The following WIPI2 variants were observed in gnomAD, a reference collection of about 807,000 sequenced individuals.
WIPI2 encodes WD repeat domain, phosphoinositide interacting 2, also known as WD repeat domain phosphoinositide-interacting protein 2.
A neutral mutation model predicts 52.3 loss-of-function variants in WIPI2; 28 were observed. That is an observed-to-expected ratio of 0.54 (90% CI 0.40 to 0.73). The LOEUF is 0.73. WIPI2 is among the 30% of genes least tolerant of loss of function. The pLI, the probability that WIPI2 is intolerant of heterozygous loss-of-function variation, is 0.00. For synonymous variants in WIPI2, 268 were observed against 245.0 expected, an observed-to-expected ratio of 1.09 and a Z score of -0.88; for missense variants, 506 against 602.9, an observed-to-expected ratio of 0.84 and a Z score of 1.68.
At chr7:5,202,194 C>G (rs1278620319) in intron 3 of WIPI2, among the ~76,000 whole-genome samples, 1 of 152,050 alleles carries the variant, frequency 6.6e-6, no homozygotes, top group Non-Finnish European at 1.5e-5. Flanking sequence ...CAGAGCTGGT[C>G]TTAGAGAAAA....
Position 5,231,471 on chromosome 7 carries a change from C to G in WIPI2, c.*524C>G, listed in dbSNP as rs373679264. The G allele has an allele frequency of 6.6e-6, 1 of 152,440 alleles. No homozygotes were observed. The allele number at this position is 152,440 out of a possible 1,614,324, so 9.4% of individuals were successfully genotyped here. A position where few individuals can be genotyped will look rare whatever the true frequency, so the allele number is the denominator to read the frequency against. On this transcript the variant is annotated 3_prime_UTR_variant, in exon 13 of 13. Transcript: ENST00000288828. ...GAAGTCCGATCTCCCTAGGGCCCCA[C>G]CTGGACCATTTTCCCTCCGTTTTAT...
At chr7:5,210,707 C>G (rs888234521) in intron 3 of WIPI2, among the ~76,000 whole-genome samples, 1 of 152,220 alleles carries the variant, frequency 6.6e-6, no homozygotes, top group Non-Finnish European at 1.5e-5. Flanking sequence ...ACAGTTGATT[C>G]TTGTTGTTCA....
chr7:5,200,699 C>T (rs1034412533), intron 3 of WIPI2, among the ~76,000 whole-genome samples: 14 of 152,120 alleles, frequency 9.2e-5, no homozygotes, highest in South Asian at 2.1e-4. Context: ...TTATGGTGTT[C>T]TCCTGGCCCG....
rs2115330096 is a variant in WIPI2, at chr7:5,230,949, C to T, written c.*2C>T. On this transcript the variant is annotated 3_prime_UTR_variant, in exon 13 of 13. Coordinates refer to ENST00000288828, the MANE Select transcript of WIPI2 (RefSeq NM_015610.4). The surrounding 1 kb of genome is among the most constrained non-coding windows in gnomAD (Gnocchi z 4.8). Reference sequence around the variant, plus strand: ...CCCATGATTCTTCGGACTGACTGAACTTGACCTGTGACCTCTGACCCGGGG... The same window carrying T: ...CCCATGATTCTTCGGACTGACTGAATTTGACCTGTGACCTCTGACCCGGGG... 9 of 1,609,184 alleles carry T rather than the reference C, an allele frequency of 5.6e-6. No homozygotes were observed. The highest frequency in any genetic ancestry group is 1.7e-4 in the Middle Eastern group (1 of 6,058).
intron 4 of WIPI2, 102 bp from the exon 5 acceptor site, chr7:5,216,461 G>T (rs1300528206): frequency 1.1e-6 from 1 of 891,938 alleles, no homozygotes; most frequent in East Asian, 2.5e-5. Flanking sequence ...AACAATAGAA[G>T]GAATGAGAGC....
intron 2 of WIPI2, among the ~76,000 whole-genome samples, chr7:5,193,689 C>T (rs1047169440): frequency 3.3e-5 from 5 of 152,224 alleles, no homozygotes; most frequent in African/African-American, 1.2e-4. Context: ...GGTCCTCCTG[C>T]CTCAGCCTCC....
chr7:5,225,193 T>C (rs1583589790), intron 8 of WIPI2, among the ~76,000 whole-genome samples: 1 of 151,464 alleles, frequency 6.6e-6, no homozygotes, highest in East Asian at 1.9e-4. Flanking sequence ...CAGGCTGGAG[T>C]GCAGTGGTGC....
At chr7:5,191,101 C>T (rs1036442815) in intron 1 of WIPI2, among the ~76,000 whole-genome samples, 10 of 152,046 alleles carry the variant, frequency 6.6e-5, no homozygotes, top group Non-Finnish European at 1.3e-4. Flanking sequence ...CTCACTGCAA[C>T]CTCCGCCTCC....
chr7:5,205,119 GCATGCACCAC>G (rs1483040313), intron 3 of WIPI2, among the ~76,000 whole-genome samples: 1 of 152,162 alleles, frequency 6.6e-6, no homozygotes, highest in African/African-American at 2.4e-5. Context: ...GGGATTAGAG[GCATGCACCAC>G]CACGCCCGGC....
At chr7:5,207,383 T>C (rs573151403) in intron 3 of WIPI2, among the ~76,000 whole-genome samples, 1 of 152,330 alleles carries the variant, frequency 6.6e-6, no homozygotes, top group South Asian at 2.1e-4. Context: ...TAGATTAGTT[T>C]TGTCTTTTCT....
At chr7:5,229,929 CTTTTT>C (rs548650698) in intron 12 of WIPI2, among the ~76,000 whole-genome samples, 191 bp downstream of exon 12, 2 of 137,900 alleles carry the variant, frequency 1.5e-5, no homozygotes, top group Admixed American at 7.2e-5. Context: ...GTTTCGTTTC[CTTTTT>C]TTTTTTTTTT....
intron 11 of WIPI2, among the ~76,000 whole-genome samples, chr7:5,228,616 A>G (rs1398255166): frequency 2.0e-5 from 3 of 152,230 alleles, no homozygotes; most frequent in Non-Finnish European, 4.4e-5. Context: ...CTCTTGTCTC[A>G]CTGTGAGGTA....
intron 7 of WIPI2, among the ~76,000 whole-genome samples, chr7:5,221,013 A>G (rs375480825): frequency 1.4e-5 from 2 of 138,580 alleles, no homozygotes; most frequent in South Asian, 2.3e-4. Flanking sequence ...ACCCAGGCTC[A>G]AGTGCAGTGG....
At chr7:5,219,911 A>T (rs909786899) in intron 7 of WIPI2, among the ~76,000 whole-genome samples, 1 of 147,486 alleles carries the variant, frequency 6.8e-6, no homozygotes, top group East Asian at 2.1e-4. Flanking sequence ...TCTCTGCTCT[A>T]TGCAACCTCC....
At chr7:5,229,147 C>T (rs1325835430) in intron 11 of WIPI2, among the ~76,000 whole-genome samples, 1 of 152,198 alleles carries the variant, frequency 6.6e-6, no homozygotes, top group Non-Finnish European at 1.5e-5. Flanking sequence ...TCCCGAGTAG[C>T]TGGGATGACA....
chr7:5,208,466 G>C (rs1468916487), intron 3 of WIPI2, among the ~76,000 whole-genome samples: 2 of 148,288 alleles, frequency 1.3e-5, no homozygotes, highest in Non-Finnish European at 3.0e-5. Flanking sequence ...TCTAGGCCCT[G>C]TCCAGGAAAC....
At chr7:5,220,458 C>G (rs377557488) in intron 7 of WIPI2, among the ~76,000 whole-genome samples, 2 of 151,942 alleles carry the variant, frequency 1.3e-5, no homozygotes, top group African/African-American at 4.8e-5. Flanking sequence ...CCAGGCTGGT[C>G]GTGAACTCCT....
chr7:5,197,592 C>T lies in WIPI2; in HGVS notation c.129-1984C>T, dbSNP rs76449853. On this transcript the variant is annotated intron_variant, in intron 2 of 12. Coordinates refer to ENST00000288828, the MANE Select transcript of WIPI2 (RefSeq NM_015610.4). ...AGAGTTTTGTTTCTGTTCTTTTTAT[C>T]CTTCTAAGATAAATCAATGTGATTT... 3.2e-3 allele frequency among the ~76,000 whole-genome samples: 492 copies of T among 152,122 alleles called. 6 individuals carry two copies. Among genetic ancestry groups the T allele is most frequent in the African/African-American group, 0.011 (456 of 41,484 alleles).
chr7:5,197,138 A>C (rs1426517996), intron 2 of WIPI2, among the ~76,000 whole-genome samples: 3 of 150,364 alleles, frequency 2.0e-5, no homozygotes, highest in African/African-American at 7.3e-5. Flanking sequence ...AAAAAAAAAA[A>C]AAAAAAAACC....
Sources: allele counts gnomAD v4.1 joint callset (sites outside exome capture counted in the v4.1 genomes callset), GRCh38; gene constraint gnomAD v4.1.1; non-coding constraint Gnocchi (gnomAD v3.1); transcripts MANE v1.5; gene names NCBI Gene and HGNC (gene_info 2026-07-23, HGNC 2026-07-21).